The following RFC3 variants were observed in gnomAD, a reference collection of about 807,000 sequenced individuals.
RFC3 encodes replication factor C subunit 3.
RFC3 carries 41 observed loss-of-function variants against 45.1 expected under a neutral mutation model. The ratio of observed to expected loss-of-function variants is 0.91; its 90% confidence interval spans 0.71 to 1.18. The LOEUF (loss-of-function observed/expected upper bound fraction) is 1.18, where lower values mean the gene tolerates loss of function less well. Ranked by LOEUF, RFC3 falls within the 50% of genes most tolerant of loss-of-function variation. The probability of loss-of-function intolerance (pLI) is 0.00; values close to 1 mark genes in which losing one functional copy is unlikely to be tolerated. For missense variants in RFC3, 423 were observed against 428.1 expected (o/e 0.99, Z 0.10); for synonymous variants, 149 against 144.0 (o/e 1.03, Z -0.25).
chr13:33,943,044 G>T (rs914097233), intron 8 of RFC3, among the ~76,000 whole-genome samples: 1 of 152,186 alleles, frequency 6.6e-6, no homozygotes, highest in Non-Finnish European at 1.5e-5. Context: ...AGGTCAATAT[G>T]TGGTTGTTTC....
chr13:33,906,597 A>G (rs1470065158), intron 8 of RFC3, among the ~76,000 whole-genome samples: 1 of 152,082 alleles, frequency 6.6e-6, no homozygotes, highest in Non-Finnish European at 1.5e-5. Context: ...CCTTTTATGA[A>G]AGGGCTACTC....
At position 33,836,047 on chromosome 13, in the gene RFC3, A is replaced by G; in HGVS notation, c.880-57A>G. 2.0e-6 allele frequency: 3 copies of G among 1,507,594 alleles called. No individual in the cohort carries two copies. In the South Asian group the frequency reaches 3.7e-5, roughly 19 times the overall value. 93.4% of individuals were successfully genotyped at this position (1,507,594 alleles called of 1,614,324 possible). On this transcript the variant is annotated intron_variant, in intron 8 of 8. Transcript: ENST00000380071. ...AGTCTTTTTGTGAATGGGAGAAATA[A>G]GGCATGCTTAGCTGTTTTTATTAAT...
At chr13:33,895,875 G>A (rs2082594531) in intron 8 of RFC3, among the ~76,000 whole-genome samples, 1 of 152,088 alleles carries the variant, frequency 6.6e-6, no homozygotes, top group African/African-American at 2.4e-5. Context: ...GATGGAGCTG[G>A]GGGCCATTAT....
chr13:33,881,385 C>A (rs964986116), intron 8 of RFC3, among the ~76,000 whole-genome samples: 4 of 152,170 alleles, frequency 2.6e-5, no homozygotes, highest in African/African-American at 9.7e-5. Flanking sequence ...GTTGTAGGCT[C>A]TGTGATGAGC....
chr13:33,863,613 A>G (rs2082355358), intron 8 of RFC3, among the ~76,000 whole-genome samples: 1 of 152,206 alleles, frequency 6.6e-6, no homozygotes, highest in Admixed American at 6.5e-5. Context: ...GTCTCTGTAC[A>G]GAGGTTGTCC....
At chr13:33,853,883 A>G (rs2082292752) in intron 8 of RFC3, among the ~76,000 whole-genome samples, 1 of 152,188 alleles carries the variant, frequency 6.6e-6, no homozygotes, top group Non-Finnish European at 1.5e-5. Context: ...CAGCTGTACC[A>G]AGGAGTTGTA....
At chr13:33,966,084 C>A in intron 8 of RFC3, 1 of 1,604,788 alleles carries the variant, frequency 6.2e-7, no homozygotes, top group Non-Finnish European at 8.5e-7. Flanking sequence ...ATATCTCTTA[C>A]AGGCATGTAA....
At chr13:33,914,665 A>C (rs1049218730) in intron 8 of RFC3, among the ~76,000 whole-genome samples, 3 of 152,164 alleles carry the variant, frequency 2.0e-5, no homozygotes, top group Admixed American at 6.5e-5. Flanking sequence ...TATAAGAATA[A>C]ATTGGAAACA....
chr13:33,897,979 A>G (rs916410865), intron 8 of RFC3, among the ~76,000 whole-genome samples: 4 of 151,950 alleles, frequency 2.6e-5, no homozygotes, highest in African/African-American at 9.7e-5. Flanking sequence ...CATACCTACT[A>G]TGTACTCATA....
chr13:33,820,067 G>C (rs1333462527), intron 1 of RFC3, among the ~76,000 whole-genome samples: 1 of 152,054 alleles, frequency 6.6e-6, no homozygotes, highest in Admixed American at 6.6e-5. Flanking sequence ...TTTCAATAAT[G>C]GTTATTTACA....
intron 6 of RFC3, 149 bp from the exon 7 acceptor site, chr13:33,831,107 G>A (rs1432064277): frequency 1.6e-6 from 1 of 626,202 alleles, no homozygotes; most frequent in East Asian, 2.8e-5. Context: ...GACAGGAGGT[G>A]GAACTCAGGC....
intron 8 of RFC3, among the ~76,000 whole-genome samples, chr13:33,888,933 A>G (rs569702096): frequency 5.5e-4 from 84 of 152,124 alleles, no homozygotes; most frequent in African/African-American, 2.0e-3. Context: ...TTTAGTAGAG[A>G]CGGGGTTTCA....
At chr13:33,851,699 G>A (rs1041773361) in intron 8 of RFC3, among the ~76,000 whole-genome samples, 5 of 151,922 alleles carry the variant, frequency 3.3e-5, no homozygotes, top group African/African-American at 1.2e-4. Context: ...GTTTTTCAGG[G>A]GTCAACTGTA....
chr13:33,831,312 G>A lies in RFC3; in HGVS notation c.767G>A (p.Arg256Lys). The A allele has an allele frequency of 1.9e-6, 3 of 1,611,144 alleles. No individual in the cohort carries two copies. In the East Asian group the frequency reaches 6.7e-5, roughly 36 times the overall value. Residue 256 changes from arginine (R) to lysine (K), a missense_variant, in exon 7 of 9, where the codon AGG becomes AAG. By Grantham distance (26) the Arg-to-Lys change is conservative. Coordinates refer to ENST00000380071, the MANE Select transcript of RFC3 (RefSeq NM_002915.4). The part of the protein sequence containing the change: ...IPETDWEVYL[R>K]ETANAIVSQQ... The stretch of plus-strand genomic sequence containing the variant: ...GAGACAGATTGGGAGGTGTATCTGA[G>A]GGAGACTGCAAATGCTATTGTCAGT...
chr13:33,825,787 A>T lies in RFC3; in HGVS notation c.294-2A>T. The T allele has an allele frequency of 6.3e-7, 1 of 1,585,098 alleles. No individual in the cohort carries two copies. Among genetic ancestry groups the T allele is most frequent in the Non-Finnish European group, 8.6e-7 (1 of 1,162,124 alleles). ...ATATACCATTATTTTTGTTTTGTGT[A>T]GTGATGCTGGAAATAGTGACCGAGT... is the stretch of plus-strand genomic sequence containing the variant. On this transcript the variant is annotated splice_acceptor_variant, in intron 3 of 8. Coordinates refer to ENST00000380071, the MANE Select transcript of RFC3 (RefSeq NM_002915.4). LOFTEE classifies it high-confidence loss of function.
chr13:33,949,312 C>T (rs369555101), intron 8 of RFC3, among the ~76,000 whole-genome samples: 140 of 152,266 alleles, frequency 9.2e-4, no homozygotes, highest in African/African-American at 3.3e-3. Context: ...CTGAGGCCTT[C>T]TCAGTGATGC....
chr13:33,903,477 T>G (rs1444031780), intron 8 of RFC3, among the ~76,000 whole-genome samples: 1 of 152,124 alleles, frequency 6.6e-6, no homozygotes, highest in Non-Finnish European at 1.5e-5. Flanking sequence ...TATTTACTTG[T>G]AAGTTTATGT....
downstream of RFC3, among the ~76,000 whole-genome samples, chr13:33,841,986 T>G (rs1279374886): frequency 6.6e-6 from 1 of 152,088 alleles, no homozygotes; most frequent in Non-Finnish European, 1.5e-5. Context: ...CAATTGCAAT[T>G]TGAAAATATT....
intron 8 of RFC3, among the ~76,000 whole-genome samples, chr13:33,894,331 A>G (rs117211122): frequency 6.6e-6 from 1 of 152,236 alleles, no homozygotes; most frequent in Non-Finnish European, 1.5e-5. Context: ...TGGCATCAGG[A>G]TGTGCTTTGC....
Sources: allele counts gnomAD v4.1 joint callset (sites outside exome capture counted in the v4.1 genomes callset), GRCh38; gene constraint gnomAD v4.1.1; transcripts MANE v1.5; gene names NCBI Gene and HGNC (gene_info 2026-07-23, HGNC 2026-07-21).